Variants in SETDB1 observed in about 807,000 individuals in gnomAD.
SETDB1 encodes SET domain bifurcated histone lysine methyltransferase 1, also known as histone-lysine N-methyltransferase SETDB1.
Under a neutral mutation model 137.4 loss-of-function variants are expected in SETDB1, and 31 were observed. The observed-to-expected ratio is 0.23, with a 90% CI of 0.17 to 0.30. The LOEUF (loss-of-function observed/expected upper bound fraction) is 0.30, where lower values mean the gene tolerates loss of function less well. SETDB1 is among the 10% of genes least tolerant of loss of function. SETDB1 has a pLI of 1.00. For missense variants in SETDB1, 1,113 were observed against 1,631.5 expected, an observed-to-expected ratio of 0.68 and a Z score of 5.47; for synonymous variants, 548 against 579.9, an observed-to-expected ratio of 0.95 and a Z score of 0.79.
At position 150,959,311 on chromosome 1, in the gene SETDB1, G is replaced by C; in HGVS notation, c.2467G>C (p.Asp823His). ...NKGWGIRCLD[D>H]IAKGSFVCIY... Reference sequence around the variant, plus strand: ...GGGCTGGGGTATCCGCTGCTTGGATGACATTGCCAAAGGCTCTTTTGTTTG... The same window carrying C: ...GGGCTGGGGTATCCGCTGCTTGGATCACATTGCCAAAGGCTCTTTTGTTTG... Residue 823 changes from aspartate (D) to histidine (H), a missense_variant, in exon 15 of 22, where the codon GAC becomes CAC. Transcript: ENST00000692827. The C allele has an allele frequency of 6.2e-7, 1 of 1,608,232 alleles. No homozygotes were observed. The highest frequency in any genetic ancestry group is 8.5e-7 in the Non-Finnish European group (1 of 1,178,232).
rs148647469 is a variant in SETDB1 at position 150,963,615 on chromosome 1, C to T, written c.3546C>T (p.Asn1182=). ...STHGIAIKST[N]MASVDKGESA... ...ATGGGATTGCAATTAAATCAACCAACATGGCCTCTGTGGACAAGGGGGAGA... is the reference window on the plus strand; with the variant it reads ...ATGGGATTGCAATTAAATCAACCAATATGGCCTCTGTGGACAAGGGGGAGA... Residue 1182 remains asparagine, a synonymous_variant, in exon 20 of 22, where the codon AAC becomes AAT. Coordinates refer to ENST00000692827, the MANE Select transcript of SETDB1 (RefSeq NM_001366418.1). 3.8e-5 allele frequency: 61 copies of T among 1,614,068 alleles called. No individual in the cohort carries two copies. In the African/African-American group the frequency reaches 7.2e-4, roughly 19 times the overall value.
chr1:150,937,162 C>T (rs1366141016), intron 3 of SETDB1, among the ~76,000 whole-genome samples: 2 of 150,686 alleles, frequency 1.3e-5, no homozygotes, highest in Non-Finnish European at 3.0e-5. Flanking sequence ...AGTATTACCA[C>T]CCAAGGGATT....
chr1:150,950,122 T>G (rs1007380713), intron 12 of SETDB1, among the ~76,000 whole-genome samples: 1 of 151,956 alleles, frequency 6.6e-6, no homozygotes, highest in African/African-American at 2.4e-5. Flanking sequence ...TAATCCCAGC[T>G]ACTCAGGACG....
chr1:150,954,626 G>A (rs1264595870), intron 14 of SETDB1, among the ~76,000 whole-genome samples: 2 of 152,040 alleles, frequency 1.3e-5, no homozygotes, highest in South Asian at 2.1e-4. Context: ...AAGAGAAATA[G>A]AACACGTTAA....
At chr1:150,934,346 A>G (rs1669881851) in intron 3 of SETDB1, among the ~76,000 whole-genome samples, 1 of 151,766 alleles carries the variant, frequency 6.6e-6, no homozygotes, top group Admixed American at 6.6e-5. Flanking sequence ...AGTGGCGGGC[A>G]CCTGTAGTCC....
rs766116727 is a variant in SETDB1, at chr1:150,947,035, A to G, written c.1267+23A>G. On this transcript the variant is annotated intron_variant, in intron 10 of 21. Transcript: ENST00000692827. ...TGGGTATGTCCTGAAAGATTCCTGG[A>G]GGAAGGAAGAAACAGGCCAACCAGC... 137 of 1,612,894 alleles carry G rather than the reference A, an allele frequency of 8.5e-5. 1 individual carries two copies. The East Asian group carries it at 3.0e-3, about 35-fold the overall frequency.
chr1:150,939,358 C>T (rs1239362944), intron 3 of SETDB1, among the ~76,000 whole-genome samples: 1 of 150,306 alleles, frequency 6.7e-6, no homozygotes, highest in Non-Finnish European at 1.5e-5. Flanking sequence ...GCCAGAGTCT[C>T]GTTCTGTCAA....
intron 4 of SETDB1, among the ~76,000 whole-genome samples, chr1:150,940,303 C>T (rs1268557809): frequency 2.0e-5 from 3 of 151,996 alleles, no homozygotes; most frequent in Non-Finnish European, 2.9e-5. Context: ...CATTGGCTCA[C>T]GACTGTAATC....
rs1467516941 is a variant in SETDB1, at chr1:150,941,434, G to T, written c.547+6G>T. 6.4e-7 allele frequency: 1 copy of T among 1,570,852 alleles called. No individual in the cohort carries two copies. Among genetic ancestry groups the T allele is most frequent in the East Asian group, 2.2e-5 (1 of 44,658 alleles). On this transcript the variant is annotated splice_donor_region_variant and intron_variant, in intron 5 of 21. Coordinates refer to ENST00000692827, the MANE Select transcript of SETDB1 (RefSeq NM_001366418.1). ...TTCCCAGGATCTGCATAAAGGTTAG[G>T]GTCAAGAAATACCTGGGTACAGATG...
intron 3 of SETDB1, among the ~76,000 whole-genome samples, chr1:150,933,488 T>C (rs975882585): frequency 6.6e-6 from 1 of 150,922 alleles, no homozygotes; most frequent in African/African-American, 2.4e-5. Flanking sequence ...GCAATTCTCC[T>C]GTCTCAGCTT....
In SETDB1 at chr1:150,930,125, G is replaced by A. The variant is rs1189412324; in HGVS notation, c.412+7G>A. The A allele has an allele frequency of 6.2e-7, 1 of 1,611,480 alleles. No individual in the cohort carries two copies. The highest frequency in any genetic ancestry group is 8.5e-7 in the Non-Finnish European group (1 of 1,178,430). On this transcript the variant is annotated splice_region_variant and intron_variant, in intron 3 of 21. Coordinates refer to ENST00000692827, the MANE Select transcript of SETDB1 (RefSeq NM_001366418.1). ...GTCCTCAGTATTGATTCAGGTAAGG[G>A]ATGAGCTTTGGATAGGAGAGTCTCA... is the stretch of plus-strand genomic sequence containing the variant.
At chr1:150,954,697 T>C (rs1670592106) in intron 14 of SETDB1, among the ~76,000 whole-genome samples, 1 of 152,210 alleles carries the variant, frequency 6.6e-6, no homozygotes, top group Non-Finnish European at 1.5e-5. Context: ...TAGATAGCAA[T>C]TGGAGAATCT....
At chr1:150,928,034 A>C in intron 2 of SETDB1, 60 bp downstream of exon 2, 1 of 1,558,094 alleles carries the variant, frequency 6.4e-7, no homozygotes, top group Non-Finnish European at 8.8e-7. Flanking sequence ...TTTAGAGAAT[A>C]ATTGTTCATG....
intron 2 of SETDB1, among the ~76,000 whole-genome samples, chr1:150,929,312 G>T (rs1341657938): frequency 6.6e-6 from 1 of 151,986 alleles, no homozygotes. Context: ...GGTATCTCAT[G>T]GTGGTTTTGA....
intron 4 of SETDB1, among the ~76,000 whole-genome samples, 171 bp from the exon 5 acceptor site, chr1:150,941,158 C>T (rs1465148212): frequency 6.6e-6 from 1 of 151,952 alleles, no homozygotes; most frequent in Admixed American, 6.6e-5. Flanking sequence ...AGCTAAACTC[C>T]ATATCAAAAA....
At chr1:150,928,178 C>G (rs1030090992) in intron 2 of SETDB1, 1 of 572,504 alleles carries the variant, frequency 1.7e-6, no homozygotes, top group Non-Finnish European at 3.1e-6. Flanking sequence ...CCACCTCCCC[C>G]TCCCGAGTAG....
intron 16 of SETDB1, chr1:150,961,393 C>T: frequency 1.8e-6 from 1 of 567,990 alleles, no homozygotes; most frequent in Non-Finnish European, 3.1e-6. Flanking sequence ...TGGCTCACAC[C>T]TGTAATCCCA....
At chr1:150,931,282 G>GAAAAAA (rs1387937322) in intron 3 of SETDB1, among the ~76,000 whole-genome samples, 1 of 113,778 alleles carries the variant, frequency 8.8e-6, no homozygotes, top group African/African-American at 3.3e-5. Flanking sequence ...AAAAAAAAAA[G>GAAAAAA]GGTTTCCAGA....
chr1:150,953,185 A>G (rs184817312), intron 14 of SETDB1, among the ~76,000 whole-genome samples: 10 of 152,264 alleles, frequency 6.6e-5, no homozygotes, highest in African/African-American at 2.4e-4. Context: ...TGAGGCCTGG[A>G]GTTTGAGACC....
Sources: allele counts gnomAD v4.1 joint callset (sites outside exome capture counted in the v4.1 genomes callset), GRCh38; gene constraint gnomAD v4.1.1; transcripts MANE v1.5; gene names NCBI Gene and HGNC (gene_info 2026-07-23, HGNC 2026-07-21).